Variants in ZFR2 observed in about 807,000 individuals in gnomAD.
ZFR2 encodes the protein zinc finger RNA-binding protein 2.
In ZFR2, 104 loss-of-function variants were observed where a neutral mutation model predicts 105.7. That is an observed-to-expected ratio of 0.98 (90% CI 0.84 to 1.16). The LOEUF is 1.16. Among genes scored for constraint, ZFR2 ranks in the 50% most tolerant of loss-of-function variants. ZFR2 has a pLI of 0.00. For synonymous variants in ZFR2, 634 were observed against 597.7 expected, an observed-to-expected ratio of 1.06 and a Z score of -0.89; for missense variants, 1,425 against 1,355.5, an observed-to-expected ratio of 1.05 and a Z score of -0.80.
rs760971495 is a variant in ZFR2, at chr19:3,813,992, A to C, written c.2104-34T>G. On this transcript the variant is annotated intron_variant, in intron 13 of 18. Coordinates refer to ENST00000262961, the MANE Select transcript of ZFR2 (RefSeq NM_015174.2). This position sits in a 1 kb window ranked among gnomAD's most constrained non-coding sequence, Gnocchi z 4.4. ...GGTAAATACAACACAAGGCCACCTTACTGCAGCCCAGATTCATGTGTAAAT... is the reference window on the plus strand; with the variant it reads ...GGTAAATACAACACAAGGCCACCTTCCTGCAGCCCAGATTCATGTGTAAAT... 2.5e-6 allele frequency: 4 copies of C among 1,611,594 alleles called. No individual in the cohort carries two copies. The Admixed American group carries it at 5.0e-5, about 20-fold the overall frequency.
At chr19:3,819,852 C>CCAAAGAAAAAAAAAA (rs2037869579) in intron 11 of ZFR2, among the ~76,000 whole-genome samples, 1 of 138,658 alleles carries the variant, frequency 7.2e-6, no homozygotes, top group Non-Finnish European at 1.6e-5. Flanking sequence ...GACTCTGTCT[C>CCAAAGAAAAAAAAAA]AAAAAAAAAT....
At chr19:3,845,710 A>C (rs1340069341) in intron 1 of ZFR2, among the ~76,000 whole-genome samples, 1 of 151,880 alleles carries the variant, frequency 6.6e-6, no homozygotes, top group Non-Finnish European at 1.5e-5. Flanking sequence ...AAGGAGGGTC[A>C]CTGGAGCCCA....
At chr19:3,867,979 C>A (rs1453496279) in intron 1 of ZFR2, among the ~76,000 whole-genome samples, 1 of 151,770 alleles carries the variant, frequency 6.6e-6, no homozygotes, top group Non-Finnish European at 1.5e-5. Context: ...CCTCCACACT[C>A]GAATGTTGCT....
chr19:3,808,936 G>C lies in ZFR2; in HGVS notation c.2481C>G (p.Pro827=). Residue 827 remains proline (P), a synonymous_variant, in exon 17 of 19, where the codon CCC becomes CCG. Transcript: ENST00000262961. The part of the protein sequence containing the change: ...VEKAVSSAAG[P]LGPGDAVRRV... ...GCCTGACTGCATCCCCGGGGCCCAG[G>C]GGCCCAGCCGCACTGCTCACAGCCT... is the stretch of plus-strand genomic sequence containing the variant. 1 of 1,572,198 alleles carries C rather than the reference G, an allele frequency of 6.4e-7. No homozygotes were observed. Among genetic ancestry groups the C allele is most frequent in the South Asian group, 1.2e-5 (1 of 85,770 alleles).
At position 3,813,512 on chromosome 19, in the gene ZFR2, G is replaced by A. The variant is rs919001767; in HGVS notation, c.2242+308C>T. The stretch of plus-strand genomic sequence containing the variant: ...TGCCGCCAGGGCTGGTGTCACCAGG[G>A]CCTGAGAAGCAGGTGCCAGCCCTGG... On this transcript the variant is annotated intron_variant, in intron 14 of 18. Transcript: ENST00000262961. The surrounding 1 kb of genome is among the most constrained non-coding windows in gnomAD (Gnocchi z 4.4). 1.3e-5 allele frequency among the ~76,000 whole-genome samples: 2 copies of A among 152,206 alleles called. No individual in the cohort carries two copies. Among genetic ancestry groups the A allele is most frequent in the East Asian group, 1.9e-4 (1 of 5,194 alleles).
Position 3,861,354 on chromosome 19 carries a change from C to T in ZFR2, c.53+7611G>A, listed in dbSNP as rs578046387. The stretch of plus-strand genomic sequence containing the variant: ...TTTAAAATTAAAGTTGAGCAGAGCG[C>T]GGTGGCTCACATCTGTAATCCCAGC... On this transcript the variant is annotated intron_variant, in intron 1 of 18. Transcript: ENST00000262961. Among the ~76,000 whole-genome samples the T allele has an allele frequency of 3.3e-5, 5 of 152,256 alleles. No individual in the cohort carries two copies. The South Asian group carries it at 6.2e-4, about 19-fold the overall frequency.
chr19:3,807,267 C>A lies in ZFR2; in HGVS notation c.2548G>T (p.Gly850Trp), dbSNP rs777434625. The A allele has an allele frequency of 2.6e-6, 4 of 1,554,170 alleles. No homozygotes were observed. The South Asian group carries it at 3.6e-5, about 14-fold the overall frequency. Residue 850 changes from glycine to tryptophan, a missense_variant and splice_region_variant, in exon 18 of 19, where the codon GGG becomes TGG. Coordinates refer to ENST00000262961, the MANE Select transcript of ZFR2 (RefSeq NM_015174.2). ...CVATGTLLTD[G>W]PGLQDPCERD... The stretch of plus-strand genomic sequence containing the variant: ...TCGCAGGGATCCTGGAGCCCGGGCC[C>A]GTCTTTGTGACGGGGAGTGGGAACA...
rs369732162 is a variant in ZFR2 at position 3,821,272 on chromosome 19, C to T, written c.1631+68G>A. The stretch of plus-strand genomic sequence containing the variant: ...GAGCTCCGTAATCTGCAGCAGTGGG[C>T]GTCTAGGTTCCACGCTGGACCTGCC... On this transcript the variant is annotated intron_variant, in intron 10 of 18. Coordinates refer to ENST00000262961, the MANE Select transcript of ZFR2 (RefSeq NM_015174.2). 25 of 1,456,178 alleles carry T rather than the reference C, an allele frequency of 1.7e-5. No individual in the cohort carries two copies. The Admixed American group carries it at 2.0e-4, about 12-fold the overall frequency. The allele number at this position is 1,456,178 out of a possible 1,614,324, so 90.2% of individuals were successfully genotyped here.
intron 1 of ZFR2, among the ~76,000 whole-genome samples, chr19:3,867,267 A>G (rs1019014417): frequency 6.7e-6 from 1 of 149,998 alleles, no homozygotes; most frequent in Non-Finnish European, 1.5e-5. Flanking sequence ...CCAGCTGGAA[A>G]CTAACACAAG....
Position 3,851,130 on chromosome 19 carries a change from C to G in ZFR2, c.54-16147G>C, listed in dbSNP as rs552956026. On this transcript the variant is annotated intron_variant, in intron 1 of 18. Transcript: ENST00000262961. ...TATTGTTAGGGAAGCCCCAGCCGAC[C>G]AAGACAGGTGGAGACGGTTAGAGAG... 3.0e-4 allele frequency among the ~76,000 whole-genome samples: 46 copies of G among 152,068 alleles called. 1 individual carries two copies. In the South Asian group the frequency reaches 8.7e-3, roughly 29 times the overall value.
chr19:3,813,897 G>A lies in ZFR2; in HGVS notation c.2165C>T (p.Ser722Phe). 2 of 1,613,972 alleles carry A rather than the reference G, an allele frequency of 1.2e-6. No homozygotes were observed. Among genetic ancestry groups the A allele is most frequent in the Non-Finnish European group, 1.7e-6 (2 of 1,179,878 alleles). Residue 722 changes from serine (S) to phenylalanine (F), a missense_variant, in exon 14 of 19, where the codon TCC (serine) becomes TTC (phenylalanine). Transcript: ENST00000262961. This position sits in a 1 kb window ranked among gnomAD's most constrained non-coding sequence, Gnocchi z 4.4. ...GACCTGCATCCTGGGCTCCTCACAGGAGGAGATGACAATGTTGGCTTCAGG... is the reference window on the plus strand; with the variant it reads ...GACCTGCATCCTGGGCTCCTCACAGAAGGAGATGACAATGTTGGCTTCAGG... ...SDPEANIVIS[S>F]CEEPRMQVTI... is the part of the protein sequence containing the mutation.
Position 3,813,621 on chromosome 19 carries a change from C to T in ZFR2, c.2242+199G>A, listed in dbSNP as rs2285958. Among the ~76,000 whole-genome samples the T allele has an allele frequency of 9.1e-4, 138 of 152,292 alleles. No homozygotes were observed. In the East Asian group the frequency reaches 0.014, roughly 16 times the overall value. ...CTCTGAGCCCATCTGATGCTGTCAC[C>T]GACTCGCCGCCTCTGCTGCCCGGAG... On this transcript the variant is annotated intron_variant, in intron 14 of 18. Coordinates refer to ENST00000262961, the MANE Select transcript of ZFR2 (RefSeq NM_015174.2). The surrounding 1 kb of genome is among the most constrained non-coding windows in gnomAD (Gnocchi z 4.4).
chr19:3,827,571 G>A lies in ZFR2; in HGVS notation c.935C>T (p.Pro312Leu), dbSNP rs1052287579. ...ATGCAGCTGCGCCTGCACCCCGCGCGGGCTCCCGTTGGGCTGCACGCCTGT... is the reference window on the plus strand; with the variant it reads ...ATGCAGCTGCGCCTGCACCCCGCGCAGGCTCCCGTTGGGCTGCACGCCTGT... ...QKTGVQPNGS[P>L]RGVQAQLHCD... The change falls in exon 6 of 19, where the codon CCG (proline) becomes CTG (leucine). Residue 312 changes from proline to leucine, a missense_variant. Pro to Leu is a moderately conservative substitution (Grantham distance 98, BLOSUM62 -3). Transcript: ENST00000262961. 12 of 1,569,748 alleles carry A rather than the reference G, an allele frequency of 7.6e-6. No individual in the cohort carries two copies. The highest frequency in any genetic ancestry group is 6.8e-5 in the African/African-American group (5 of 73,698).
intron 11 of ZFR2, 118 bp from the exon 12 acceptor site, chr19:3,819,353 G>A (rs978598331): frequency 3.3e-5 from 36 of 1,095,694 alleles, no homozygotes; most frequent in Non-Finnish European, 4.0e-5. Flanking sequence ...GCGGCAGCGT[G>A]GCCAGGTGAG....
chr19:3,866,002 C>T (rs745523429), intron 1 of ZFR2, among the ~76,000 whole-genome samples: 3 of 152,036 alleles, frequency 2.0e-5, no homozygotes, highest in African/African-American at 7.2e-5. Context: ...ACACCACGCC[C>T]GGCTAATTTT....
intron 13 of ZFR2, among the ~76,000 whole-genome samples, chr19:3,814,190 T>G (rs1409185052): frequency 6.6e-6 from 1 of 152,160 alleles, no homozygotes; most frequent in Non-Finnish European, 1.5e-5. Context: ...GATCATGTGA[T>G]GCAAGGAGCC....
chr19:3,856,032 G>A (rs963929852), intron 1 of ZFR2, among the ~76,000 whole-genome samples: 1 of 152,232 alleles, frequency 6.6e-6, no homozygotes, highest in African/African-American at 2.4e-5. Flanking sequence ...GGAAATGGGG[G>A]CGAGAGCAGA....
rs543344109 is a variant in ZFR2 at position 3,813,013 on chromosome 19, G to A, written c.2242+807C>T. Among the ~76,000 whole-genome samples the A allele has an allele frequency of 1.3e-5, 2 of 152,292 alleles. No homozygotes were observed. Among genetic ancestry groups the A allele is most frequent in the African/African-American group, 4.8e-5 (2 of 41,548 alleles). On this transcript the variant is annotated intron_variant, in intron 14 of 18. Coordinates refer to ENST00000262961, the MANE Select transcript of ZFR2 (RefSeq NM_015174.2). The surrounding 1 kb of genome is among the most constrained non-coding windows in gnomAD (Gnocchi z 4.4). ...GAGAATCGCTTGAACCCAGGCGGCG[G>A]AAGTTGCAGTGAGCTGAGATTGCGC...
chr19:3,851,227 C>T (rs1003987121), intron 1 of ZFR2, among the ~76,000 whole-genome samples: 1 of 152,050 alleles, frequency 6.6e-6, no homozygotes. Context: ...GGGTGATGGA[C>T]AGGGGGACAG....
Sources: gnomAD v4.1 joint callset for allele counts (sites outside exome capture counted in the v4.1 genomes callset) on GRCh38, gnomAD v4.1.1 for gene constraint, Gnocchi (gnomAD v3.1) non-coding constraint, MANE v1.5 for transcripts, NCBI Gene and HGNC (gene_info 2026-07-23, HGNC 2026-07-21) for gene names.